The following AAGAB variants were observed in gnomAD, a reference collection of about 807,000 sequenced individuals.
The protein encoded by AAGAB is alpha and gamma adaptin binding protein.
A neutral mutation model predicts 44.1 loss-of-function variants in AAGAB; 38 were observed. The ratio of observed to expected loss-of-function variants is 0.86; its 90% CI spans 0.67 to 1.13. The LOEUF is 1.13. Ranked by LOEUF, AAGAB falls within the 50% of genes most tolerant of loss-of-function variation. The probability of loss-of-function intolerance (pLI) is 0.00; values close to 1 mark genes in which losing one functional copy is unlikely to be tolerated. For missense variants in AAGAB, 450 were observed against 373.8 expected (o/e 1.20, Z -1.68); for synonymous variants, 131 against 131.8 (o/e 0.99, Z 0.04).
At chr15:67,210,500 T>C (rs76919478) in intron 5 of AAGAB, among the ~76,000 whole-genome samples, 10,135 of 149,164 alleles carry the variant, frequency 0.068, 512 homozygotes, top group East Asian at 0.19. Flanking sequence ...TAGGCAACAG[T>C]GTGAGGCTCC....
rs2289262 is a variant in AAGAB at position 67,208,695 on chromosome 15, G to A, written c.619-37C>T. On this transcript the variant is annotated intron_variant, in intron 6 of 9. Transcript: ENST00000261880. ...AATACACATAAGCAACAATTTAATC[G>A]TAGTCTATTTCAGAACTAAATCCAA... is the stretch of plus-strand genomic sequence containing the variant. 0.24 allele frequency: 379,712 copies of A among 1,577,086 alleles called. 49,482 individuals are homozygous for A. Among genetic ancestry groups the A allele is most frequent in the East Asian group, 0.49 (21,642 of 44,604 alleles).
At chr15:67,246,265 C>T (rs1964718397) in intron 1 of AAGAB, among the ~76,000 whole-genome samples, 3 of 151,866 alleles carry the variant, frequency 2.0e-5, no homozygotes, top group African/African-American at 7.3e-5. Flanking sequence ...CCTGTAGTCC[C>T]AGCTACTTGC....
At chr15:67,251,014 G>A (rs1463660436) in intron 1 of AAGAB, among the ~76,000 whole-genome samples, 3 of 152,168 alleles carry the variant, frequency 2.0e-5, no homozygotes, top group African/African-American at 7.2e-5. Context: ...GCAACAGAGT[G>A]AGACTCCGTC....
chr15:67,211,376 A>G (rs1283610276), intron 5 of AAGAB, among the ~76,000 whole-genome samples: 1 of 152,198 alleles, frequency 6.6e-6, no homozygotes, highest in Non-Finnish European at 1.5e-5. Flanking sequence ...CAATCCAAAG[A>G]CAGGGGACCA....
chr15:67,253,621 G>T (rs545369854), intron 1 of AAGAB, among the ~76,000 whole-genome samples: 15 of 152,052 alleles, frequency 9.9e-5, no homozygotes, highest in African/African-American at 3.4e-4. Context: ...AGGGTTCGTG[G>T]TGTGAGCCTG....
At chr15:67,242,057 G>A (rs1235497067) in intron 1 of AAGAB, among the ~76,000 whole-genome samples, 2 of 152,120 alleles carry the variant, frequency 1.3e-5, no homozygotes, top group Non-Finnish European at 2.9e-5. Context: ...AAAGAACTGA[G>A]CAAAATATGA....
rs1963759007 is a variant in AAGAB, at chr15:67,209,449, GA to G, written c.618+12del. The G allele has an allele frequency of 6.2e-7, 1 of 1,610,478 alleles. No homozygotes were observed. Among genetic ancestry groups the G allele is most frequent in the East Asian group, 2.2e-5 (1 of 44,844 alleles). On this transcript the variant is annotated intron_variant, in intron 6 of 9. Coordinates refer to ENST00000261880, the MANE Select transcript of AAGAB (RefSeq NM_024666.5). ...AGCCAAAGAGGGAAAAAAGATCCAA[GA>G]AAAACCTTTACCTCTGGGTGACAGG...
intron 5 of AAGAB, among the ~76,000 whole-genome samples, chr15:67,211,884 T>G (rs976844758): frequency 8.4e-6 from 1 of 118,664 alleles, no homozygotes; most frequent in Admixed American, 7.7e-5. Context: ...AATGCCTAAT[T>G]CTTTTTTTTT....
Position 67,208,653 on chromosome 15 carries a change from G to T in AAGAB, c.624C>A (p.Pro208=). Residue 208 remains proline, a synonymous_variant, in exon 7 of 10, where the codon CCC becomes CCA. Coordinates refer to ENST00000261880, the MANE Select transcript of AAGAB (RefSeq NM_024666.5). ...GSADPCHPEQ[P]HLPAADSTES... ...CAGTACTATCTGCTGCTGGCAAATG[G>T]GGTTGCTGTTGAGGAAAATACACAT... 1 of 1,613,882 alleles carries T rather than the reference G, an allele frequency of 6.2e-7. No homozygotes were observed. The highest frequency in any genetic ancestry group is 1.1e-5 in the South Asian group (1 of 91,044).
intron 1 of AAGAB, among the ~76,000 whole-genome samples, chr15:67,251,362 G>A (rs1300237947): frequency 6.6e-6 from 1 of 152,020 alleles, no homozygotes; most frequent in Non-Finnish European, 1.5e-5. Flanking sequence ...TCCCACCTCA[G>A]CCTCCCAAGG....
intron 1 of AAGAB, among the ~76,000 whole-genome samples, chr15:67,253,448 G>T (rs372773572): frequency 6.6e-6 from 1 of 151,964 alleles, no homozygotes; most frequent in East Asian, 1.9e-4. Flanking sequence ...TAAAAAAAAG[G>T]AGAGAAAAGA....
At chr15:67,210,972 C>T (rs1296428520) in intron 5 of AAGAB, among the ~76,000 whole-genome samples, 1 of 152,212 alleles carries the variant, frequency 6.6e-6, no homozygotes, top group African/African-American at 2.4e-5. Flanking sequence ...TCGCATCTCT[C>T]TTTCTCTAAA....
rs1368869062 is a variant in AAGAB, at chr15:67,242,193, G to C, written c.74-5373C>G. ...AATCCCAGCACTTTGGGAGGCCGAG[G>C]CGGGTGGATCATGAGGTCAGGAGAT... On this transcript the variant is annotated intron_variant, in intron 1 of 9. Transcript: ENST00000261880. Among the ~76,000 whole-genome samples the C allele has an allele frequency of 2.1e-5, 2 of 94,702 alleles. 1 individual carries two copies. The highest frequency in any genetic ancestry group is 1.4e-3 in the East Asian group (2 of 1,410). The allele number at this position is 94,702 out of a possible 152,430, so 62.1% of individuals were successfully genotyped here.
intron 5 of AAGAB, 112 bp downstream of exon 5, chr15:67,231,702 T>A: frequency 1.2e-6 from 1 of 854,738 alleles, no homozygotes. Flanking sequence ...GAACTGAAAT[T>A]GGAACAAATC....
chr15:67,241,040 T>TAC (rs10525823), intron 1 of AAGAB, among the ~76,000 whole-genome samples: 1,758 of 147,164 alleles, frequency 0.012, 41 homozygotes, highest in African/African-American at 0.037. Context: ...TCTGTTCTCC[T>TAC]ACACACACAC....
At chr15:67,240,855 A>C (rs1764640430) in intron 1 of AAGAB, among the ~76,000 whole-genome samples, 1 of 152,220 alleles carries the variant, frequency 6.6e-6, no homozygotes, top group South Asian at 2.1e-4. Flanking sequence ...TGTTCCCTGC[A>C]TATCCTAATA....
chr15:67,202,596 C>T lies in AAGAB; in HGVS notation c.*225G>A. 1 of 501,016 alleles carries T rather than the reference C, an allele frequency of 2.0e-6. No homozygotes were observed. Among genetic ancestry groups the T allele is most frequent in the Non-Finnish European group, 3.5e-6 (1 of 282,288 alleles). 31.0% of individuals were successfully genotyped at this position (501,016 alleles called of 1,614,324 possible). A position where few individuals can be genotyped will look rare whatever the true frequency, so the allele number is the denominator to read the frequency against. ...CAAAAAAAAAGTATATTTAAGAAAT[C>T]CTCACTCATTACTATCACTGTATTC... On this transcript the variant is annotated 3_prime_UTR_variant, in exon 10 of 10. Transcript: ENST00000261880.
chr15:67,251,226 G>C (rs1964862551), intron 1 of AAGAB, among the ~76,000 whole-genome samples: 1 of 147,140 alleles, frequency 6.8e-6, no homozygotes, highest in African/African-American at 2.5e-5. Context: ...GTGTGTGTGT[G>C]TGTGTGTGTC....
chr15:67,231,869 C>T lies in AAGAB; in HGVS notation c.480G>A (p.Lys160=), dbSNP rs1428438381. ...TGGCATTCAGGGCTTGGACAATTCG[C>T]TTTACTCCTGTAGATTCTGGGAAGT... ...DDDFPESTGV[K]RIVQALNANV... is the part of the protein sequence containing the mutation. The change falls in exon 5 of 10, where the codon AAG becomes AAA. Residue 160 remains lysine, a synonymous_variant. Transcript: ENST00000261880. 1 of 1,611,930 alleles carries T rather than the reference C, an allele frequency of 6.2e-7. No individual in the cohort carries two copies. The highest frequency in any genetic ancestry group is 1.7e-5 in the Admixed American group (1 of 59,962).
Sources: gnomAD v4.1 joint callset for allele counts (sites outside exome capture counted in the v4.1 genomes callset) on GRCh38, gnomAD v4.1.1 for gene constraint, MANE v1.5 for transcripts, NCBI Gene and HGNC (gene_info 2026-07-23, HGNC 2026-07-21) for gene names.